ACYP2: variants seen among roughly 807,000 people sequenced by gnomAD.
The protein encoded by ACYP2 is acylphosphatase-2.
In ACYP2, 12 loss-of-function variants were observed where a neutral mutation model predicts 11.2. The observed-to-expected ratio is 1.08, with a 90% CI of 0.69 to 1.74. The LOEUF (loss-of-function observed/expected upper bound fraction) is 1.74, where lower values mean the gene tolerates loss of function less well. Among genes scored for constraint, ACYP2 ranks in the 40% most tolerant of loss-of-function variants. The pLI, the probability that ACYP2 is intolerant of heterozygous loss-of-function variation, is 0.00. For synonymous variants in ACYP2, 43 were observed against 32.2 expected (o/e 1.33, Z -1.13); for missense variants, 134 against 101.9 (o/e 1.31, Z -1.35).
intron 6 of ACYP2, among the ~76,000 whole-genome samples, chr2:54,170,755 G>T (rs879770754): frequency 2.0e-5 from 3 of 152,144 alleles, no homozygotes; most frequent in Non-Finnish European, 4.4e-5. Context: ...GCAAAAGGAA[G>T]GAGGATATGC....
intron 6 of ACYP2, among the ~76,000 whole-genome samples, chr2:54,263,573 A>G (rs1033169744): frequency 6.6e-6 from 1 of 152,178 alleles, no homozygotes; most frequent in African/African-American, 2.4e-5. Context: ...CCAGTGAGTT[A>G]TGATTGCCAC....
intron 4 of ACYP2, among the ~76,000 whole-genome samples, chr2:54,076,940 C>T (rs1163645417): frequency 3.3e-5 from 5 of 152,174 alleles, no homozygotes; most frequent in African/African-American, 1.2e-4. Context: ...AATCCTGAAT[C>T]GGGTTTTCAG....
At chr2:53,985,971 A>G (rs1450961453) in intron 2 of ACYP2, among the ~76,000 whole-genome samples, 3 of 152,056 alleles carry the variant, frequency 2.0e-5, no homozygotes, top group Non-Finnish European at 4.4e-5. Flanking sequence ...CCCCATCTCT[A>G]GTAAAATACA....
rs928892924 is a variant in ACYP2 at position 54,256,221 on chromosome 2, C to T, written c.405-48467C>T. The T allele has an allele frequency of 1.1e-5, 17 of 1,518,156 alleles. No individual in the cohort carries two copies. In the African/African-American group the frequency reaches 1.7e-4, roughly 15 times the overall value. The allele number at this position is 1,518,156 out of a possible 1,614,324, so 94.0% of individuals were successfully genotyped here. On this transcript the variant is annotated intron_variant, in intron 6 of 6. Transcript: ENST00000607452. ...GTAGGTAGCGTCAACGTTCCTCACA[C>T]AAAATGGCGAGTAAACACCTCGCCC...
chr2:54,185,310 C>G (rs1257366146), intron 6 of ACYP2, among the ~76,000 whole-genome samples: 1 of 152,148 alleles, frequency 6.6e-6, no homozygotes, highest in Non-Finnish European at 1.5e-5. Flanking sequence ...CCAGGCTGCT[C>G]CTGGCAGCCA....
intron 4 of ACYP2, among the ~76,000 whole-genome samples, chr2:54,094,779 C>A (rs1468284948): frequency 6.6e-6 from 1 of 152,064 alleles, no homozygotes; most frequent in South Asian, 2.1e-4. Flanking sequence ...CTCAAGTGAT[C>A]CGCCCACCTC....
chr2:53,976,899 T>A (rs1455477182), intron 2 of ACYP2, among the ~76,000 whole-genome samples: 3 of 152,170 alleles, frequency 2.0e-5, no homozygotes, highest in Non-Finnish European at 4.4e-5. Context: ...TTCTTTTTGT[T>A]TATTTTTGGG....
intron 6 of ACYP2, among the ~76,000 whole-genome samples, chr2:54,220,454 CA>C (rs1358724729): frequency 2.0e-5 from 3 of 152,088 alleles, no homozygotes; most frequent in Non-Finnish European, 2.9e-5. Flanking sequence ...CTTTTTAAAT[CA>C]ATCTTAATAT....
intron 6 of ACYP2, among the ~76,000 whole-genome samples, chr2:54,283,606 C>T (rs537015726): frequency 5.3e-5 from 8 of 152,290 alleles, no homozygotes; most frequent in African/African-American, 1.9e-4. Flanking sequence ...TTCGTAGTGC[C>T]TTCTGGATCA....
intron 4 of ACYP2, among the ~76,000 whole-genome samples, chr2:54,087,654 GA>G (rs1421585115): frequency 6.6e-6 from 1 of 152,034 alleles, no homozygotes. Flanking sequence ...TTTCATTCTT[GA>G]ATACACCTCT....
chr2:54,284,983 A>G (rs1689015968), intron 6 of ACYP2, among the ~76,000 whole-genome samples: 1 of 152,222 alleles, frequency 6.6e-6, no homozygotes, highest in Middle Eastern at 3.2e-3. Flanking sequence ...TGGGTAATTT[A>G]TAAACAACAT....
chr2:54,283,264 T>A (rs1646362107), intron 6 of ACYP2, among the ~76,000 whole-genome samples: 1 of 152,200 alleles, frequency 6.6e-6, no homozygotes, highest in African/African-American at 2.4e-5. Flanking sequence ...ACTAGGATTA[T>A]AACCTTTTAA....
At chr2:53,986,722 T>C (rs1233991265) in intron 2 of ACYP2, among the ~76,000 whole-genome samples, 1 of 151,652 alleles carries the variant, frequency 6.6e-6, no homozygotes, top group Non-Finnish European at 1.5e-5. Flanking sequence ...CCTCCTGGGT[T>C]CAAGTGATTC....
intron 4 of ACYP2, among the ~76,000 whole-genome samples, chr2:54,112,429 C>G (rs1457188484): frequency 6.7e-6 from 1 of 149,740 alleles, no homozygotes; most frequent in Non-Finnish European, 1.5e-5. Context: ...TTGGCACAGC[C>G]CTTCGAAAAA....
rs1558609053 is a variant in ACYP2, at chr2:54,201,664, TTCTTTCTTTCTTTCTTTCTC to T, written c.404+62920_404+62939del. Among the ~76,000 whole-genome samples, 700 of 102,912 alleles carry T rather than the reference TTCTTTCTTTCTTTCTTTCTC, an allele frequency of 6.8e-3. 3 individuals carry two copies. The highest frequency in any genetic ancestry group is 0.025 in the African/African-American group (670 of 27,244). 67.5% of individuals were successfully genotyped at this position (102,912 alleles called of 152,430 possible). ...TTTCTTTCTTTCTTTCTTTCTTTCT[TTCTTTCTTTCTTTCTTTCTC>T]TCTCTCTCTCTCTCTTTTTTCTTTT... is the stretch of plus-strand genomic sequence containing the variant. On this transcript the variant is annotated intron_variant, in intron 6 of 6. Transcript: ENST00000607452.
At chr2:54,113,443 G>T (rs1376471264) in intron 4 of ACYP2, among the ~76,000 whole-genome samples, 1 of 151,970 alleles carries the variant, frequency 6.6e-6, no homozygotes, top group Non-Finnish European at 1.5e-5. Flanking sequence ...GGGCTTCACT[G>T]TATTGTCCAG....
At chr2:54,230,505 C>T (rs532358942) in intron 6 of ACYP2, among the ~76,000 whole-genome samples, 5 of 151,908 alleles carry the variant, frequency 3.3e-5, no homozygotes, top group East Asian at 3.9e-4. Context: ...CCACCACACC[C>T]GGCTATGCGC....
chr2:54,037,480 G>A (rs13431965), intron 2 of ACYP2, among the ~76,000 whole-genome samples: 29 of 152,068 alleles, frequency 1.9e-4, no homozygotes, highest in South Asian at 4.1e-4. Context: ...GCACAATCAC[G>A]GCCCACTGCA....
intron 2 of ACYP2, among the ~76,000 whole-genome samples, chr2:53,998,618 C>T (rs1039036579): frequency 1.5e-4 from 23 of 151,948 alleles, no homozygotes; most frequent in African/African-American, 4.8e-4. Context: ...GGTTCAAGAC[C>T]AGCCTGGGCA....
Sources: gnomAD v4.1 joint callset for allele counts (sites outside exome capture counted in the v4.1 genomes callset) on GRCh38, gnomAD v4.1.1 for gene constraint, MANE v1.5 for transcripts, NCBI Gene and HGNC (gene_info 2026-07-23, HGNC 2026-07-21) for gene names.